DUSP22: variants seen among roughly 807,000 people sequenced by gnomAD.
DUSP22 encodes dual specificity protein phosphatase 22.
Under a neutral mutation model 24.5 loss-of-function variants are expected in DUSP22, and 24 were observed. That is an observed-to-expected ratio of 0.98 (90% CI 0.71 to 1.38). The LOEUF (loss-of-function observed/expected upper bound fraction) is 1.38, where lower values mean the gene tolerates loss of function less well. Among genes scored for constraint, DUSP22 ranks in the 40% most tolerant of loss-of-function variants. DUSP22 has a pLI of 0.00. For missense variants in DUSP22, 330 were observed against 269.2 expected (o/e 1.23, Z -1.58); for synonymous variants, 160 against 106.4 (o/e 1.50, Z -3.10).
In DUSP22 at chr6:301,456, A is replaced by G. The variant is rs555026021; in HGVS notation, c.22-3172A>G. On this transcript the variant is annotated intron_variant, in intron 1 of 6. Transcript: ENST00000419235. ...CCAACCTGCGGAAGCCATGCTGAAT[A>G]TTTAGTTCAATGTTTGGCCTTGATT... 1.7e-4 allele frequency among the ~76,000 whole-genome samples: 26 copies of G among 152,412 alleles called. No individual in the cohort carries two copies. In the South Asian group the frequency reaches 4.8e-3, roughly 28 times the overall value.
intron 2 of DUSP22, among the ~76,000 whole-genome samples, chr6:308,624 T>C (rs1441939584): frequency 6.6e-6 from 1 of 152,308 alleles, no homozygotes; most frequent in Non-Finnish European, 1.5e-5. Flanking sequence ...GTATGCTTTT[T>C]TCCCCAGGCC....
At chr6:347,020 A>G (rs1004480557) in intron 5 of DUSP22, among the ~76,000 whole-genome samples, 1 of 152,308 alleles carries the variant, frequency 6.6e-6, no homozygotes, top group East Asian at 1.9e-4. Flanking sequence ...ACTTTTTTAA[A>G]GAGTAGAAAG....
chr6:314,247 T>C (rs1269934221), intron 3 of DUSP22, among the ~76,000 whole-genome samples: 1 of 152,178 alleles, frequency 6.6e-6, no homozygotes, highest in Admixed American at 6.5e-5. Context: ...GCCTCATTTA[T>C]TTCCCGAGAT....
intron 4 of DUSP22, among the ~76,000 whole-genome samples, chr6:344,582 G>T (rs554022287): frequency 1.3e-5 from 2 of 152,414 alleles, no homozygotes; most frequent in African/African-American, 4.8e-5. Flanking sequence ...GTGCCACCGC[G>T]TTCAGTCCAT....
At chr6:320,910 T>C (rs1758556758) in intron 3 of DUSP22, among the ~76,000 whole-genome samples, 1 of 152,300 alleles carries the variant, frequency 6.6e-6, no homozygotes, top group Non-Finnish European at 1.5e-5. Flanking sequence ...GCACCTACCT[T>C]GCAGCAGGGA....
At chr6:323,975 C>T (rs1018814319) in intron 3 of DUSP22, among the ~76,000 whole-genome samples, 3 of 152,296 alleles carry the variant, frequency 2.0e-5, no homozygotes, top group African/African-American at 7.2e-5. Flanking sequence ...GGAATGGCTC[C>T]ACCCTATGCC....
At chr6:315,842 A>G (rs1246285880) in intron 3 of DUSP22, among the ~76,000 whole-genome samples, 1 of 152,308 alleles carries the variant, frequency 6.6e-6, no homozygotes, top group Non-Finnish European at 1.5e-5. Context: ...GTTCATCCCA[A>G]GATCTTCCCT....
chr6:312,010 G>T lies in DUSP22; in HGVS notation c.138+48G>T. The T allele has an allele frequency of 2.5e-6, 4 of 1,579,146 alleles. No homozygotes were observed. In the South Asian group the frequency reaches 4.6e-5, roughly 18 times the overall value. ...GTGTGGGTGTCCTCATTTGTATTCCGTGGGAGTACCTACGACGTTAATGAA... is the reference window on the plus strand; with the variant it reads ...GTGTGGGTGTCCTCATTTGTATTCCTTGGGAGTACCTACGACGTTAATGAA... On this transcript the variant is annotated intron_variant, in intron 3 of 6. Transcript: ENST00000419235.
chr6:307,340 T>C (rs1408444207), intron 2 of DUSP22, among the ~76,000 whole-genome samples: 1 of 152,182 alleles, frequency 6.6e-6, no homozygotes, highest in Non-Finnish European at 1.5e-5. Context: ...CTCCCTCCCT[T>C]CCTTCTCCTC....
chr6:314,253 G>A (rs537524730), intron 3 of DUSP22, among the ~76,000 whole-genome samples: 5 of 152,410 alleles, frequency 3.3e-5, no homozygotes, highest in Non-Finnish European at 5.9e-5. Flanking sequence ...TTTATTTCCC[G>A]AGATCTTCAA....
chr6:314,598 G>T (rs1167402857), intron 3 of DUSP22, among the ~76,000 whole-genome samples: 1 of 152,306 alleles, frequency 6.6e-6, no homozygotes, highest in Non-Finnish European at 1.5e-5. Context: ...ATGTGGCCAT[G>T]CAAGTTTAGA....
chr6:296,472 T>G (rs998866377), intron 1 of DUSP22, among the ~76,000 whole-genome samples: 122 of 152,366 alleles, frequency 8.0e-4, no homozygotes, highest in African/African-American at 2.9e-3. Context: ...GCTGCTAAGA[T>G]ATTAGTCTAG....
chr6:306,305 C>T (rs1387215434), intron 2 of DUSP22, among the ~76,000 whole-genome samples: 1 of 152,306 alleles, frequency 6.6e-6, no homozygotes, highest in Non-Finnish European at 1.5e-5. Context: ...TTCAACACTT[C>T]TGACAACAGT....
At chr6:296,872 A>G (rs1284578458) in intron 1 of DUSP22, among the ~76,000 whole-genome samples, 2 of 152,304 alleles carry the variant, frequency 1.3e-5, no homozygotes, top group African/African-American at 4.8e-5. Context: ...GGGTTCGTTT[A>G]GCTCATCAAG....
rs1176394108 is a variant in DUSP22 at position 298,877 on chromosome 6, A to C, written c.22-5751A>C. On this transcript the variant is annotated intron_variant, in intron 1 of 6. Coordinates refer to ENST00000419235, the MANE Select transcript of DUSP22 (RefSeq NM_001286555.3). The stretch of plus-strand genomic sequence containing the variant: ...CAGATGCACCCTCTGCTGCAAGATC[A>C]GTCCGAAAGTAAGGAAATGAATACA... Among the ~76,000 whole-genome samples the C allele has an allele frequency of 4.9e-5, 7 of 143,646 alleles. No individual in the cohort carries two copies. In the South Asian group the frequency reaches 1.1e-3, roughly 23 times the overall value. 94.2% of individuals were successfully genotyped at this position (143,646 alleles called of 152,430 possible).
At chr6:306,541 A>G (rs1379985773) in intron 2 of DUSP22, among the ~76,000 whole-genome samples, 1 of 152,296 alleles carries the variant, frequency 6.6e-6, no homozygotes, top group Non-Finnish European at 1.5e-5. Context: ...ATGCTGCATT[A>G]TTACCTTAAG....
At chr6:309,314 C>T (rs1028237771) in intron 2 of DUSP22, among the ~76,000 whole-genome samples, 2 of 152,300 alleles carry the variant, frequency 1.3e-5, no homozygotes, top group African/African-American at 2.4e-5. Context: ...TCATGTTCCT[C>T]GTATAAAAAG....
At chr6:323,240 A>G (rs999660508) in intron 3 of DUSP22, among the ~76,000 whole-genome samples, 17 of 151,712 alleles carry the variant, frequency 1.1e-4, no homozygotes, top group East Asian at 5.8e-4. Flanking sequence ...GCGTGTGTGC[A>G]TGTGTGTGTG....
intron 3 of DUSP22, among the ~76,000 whole-genome samples, chr6:333,579 A>G (rs1012928218): frequency 6.6e-6 from 1 of 152,304 alleles, no homozygotes; most frequent in African/African-American, 2.4e-5. Flanking sequence ...GCTCTGACTC[A>G]GTTTCAGCAG....
Sources: gnomAD v4.1 joint callset for allele counts (sites outside exome capture counted in the v4.1 genomes callset) on GRCh38, gnomAD v4.1.1 for gene constraint, MANE v1.5 for transcripts, NCBI Gene and HGNC (gene_info 2026-07-23, HGNC 2026-07-21) for gene names.